The following MCTP2 variants were observed in gnomAD, a reference collection of about 807,000 sequenced individuals.
The protein encoded by MCTP2 is multiple C2 and transmembrane domain-containing protein 2.
A neutral mutation model predicts 111.6 loss-of-function variants in MCTP2; 132 were observed. The observed-to-expected ratio is 1.18, with a 90% CI of 1.03 to 1.37. The LOEUF (loss-of-function observed/expected upper bound fraction) is 1.37, where lower values mean the gene tolerates loss of function less well. Ranked by LOEUF, MCTP2 falls within the 40% of genes most tolerant of loss-of-function variation. MCTP2 has a pLI of 0.00. For synonymous variants in MCTP2, 395 were observed against 387.7 expected (o/e 1.02, Z -0.22); for missense variants, 1,183 against 1,067.9 (o/e 1.11, Z -1.50).
At chr15:94,472,831 CAA>C (rs1294852376) in intron 21 of MCTP2, among the ~76,000 whole-genome samples, 1 of 152,190 alleles carries the variant, frequency 6.6e-6, no homozygotes, top group Non-Finnish European at 1.5e-5. Flanking sequence ...TATCCTAAGA[CAA>C]ATTAGTTACT....
chr15:94,377,571 A>G (rs1045077463), intron 12 of MCTP2, among the ~76,000 whole-genome samples: 3 of 152,196 alleles, frequency 2.0e-5, no homozygotes, highest in South Asian at 2.1e-4. Context: ...TCGCTTCCAT[A>G]TTAATGGGTG....
intron 4 of MCTP2, among the ~76,000 whole-genome samples, chr15:94,320,243 C>T (rs577404749): frequency 7.2e-4 from 108 of 150,934 alleles, no homozygotes; most frequent in Non-Finnish European, 9.9e-4. Flanking sequence ...CCTGGGTTCA[C>T]GCCATTCTCC....
At chr15:94,253,894 T>A (rs992504417) in intron 1 of MCTP2, among the ~76,000 whole-genome samples, 2 of 152,088 alleles carry the variant, frequency 1.3e-5, no homozygotes, top group South Asian at 4.1e-4. Flanking sequence ...AGCTCAATGG[T>A]GGGTTGAAAC....
intron 17 of MCTP2, among the ~76,000 whole-genome samples, chr15:94,411,675 T>C (rs1330539407): frequency 2.0e-5 from 3 of 152,216 alleles, no homozygotes; most frequent in African/African-American, 4.8e-5. Flanking sequence ...GGTTGTGTCA[T>C]TGGCTTTTTA....
Position 94,412,367 on chromosome 15 carries a change from A to C in MCTP2, c.2085+10348A>C, listed in dbSNP as rs140100108. ...TAGTTTGTGAGTCTGTGGAGTTGCT[A>C]TTCAGAGTGGTAACATGCCGTAGGG... On this transcript the variant is annotated intron_variant, in intron 17 of 22. Coordinates refer to ENST00000357742, the MANE Select transcript of MCTP2 (RefSeq NM_001385001.1). Among the ~76,000 whole-genome samples, 864 of 151,520 alleles carry C rather than the reference A, an allele frequency of 5.7e-3. 6 individuals carry two copies. The highest frequency in any genetic ancestry group is 0.02 in the African/African-American group (821 of 41,196).
chr15:94,287,958 T>G (rs1050463976), intron 1 of MCTP2, among the ~76,000 whole-genome samples: 1 of 152,184 alleles, frequency 6.6e-6, no homozygotes, highest in Non-Finnish European at 1.5e-5. Flanking sequence ...CTACCTTGTG[T>G]GCCTCCTTTA....
At chr15:94,464,891 T>G (rs779919242) in intron 20 of MCTP2, among the ~76,000 whole-genome samples, 3 of 152,082 alleles carry the variant, frequency 2.0e-5, no homozygotes, top group African/African-American at 4.8e-5. Context: ...ATGGACTACT[T>G]TTGTCAATTT....
chr15:94,357,108 A>G (rs10451015), intron 9 of MCTP2, among the ~76,000 whole-genome samples: 29,117 of 152,172 alleles, frequency 0.19, 3,014 homozygotes, highest in East Asian at 0.31. Context: ...TTCTAGCATC[A>G]AGGATGCAGC....
chr15:94,250,208 G>C (rs370983924), intron 1 of MCTP2, among the ~76,000 whole-genome samples: 1 of 152,150 alleles, frequency 6.6e-6, no homozygotes, highest in African/African-American at 2.4e-5. Context: ...TTTAATGGCT[G>C]CATTAGTGAA....
At chr15:94,328,474 A>G (rs2076990395) in intron 4 of MCTP2, among the ~76,000 whole-genome samples, 1 of 152,154 alleles carries the variant, frequency 6.6e-6, no homozygotes. Context: ...CTGTGTTTCA[A>G]GTCACTCTTT....
chr15:94,406,450 A>G (rs561068128), intron 17 of MCTP2, among the ~76,000 whole-genome samples: 1 of 152,246 alleles, frequency 6.6e-6, no homozygotes, highest in African/African-American at 2.4e-5. Flanking sequence ...GGGACCAACC[A>G]TACTGATTGT....
At chr15:94,429,726 G>C (rs1002514625) in intron 17 of MCTP2, among the ~76,000 whole-genome samples, 4 of 152,054 alleles carry the variant, frequency 2.6e-5, no homozygotes, top group African/African-American at 7.2e-5. Context: ...ATCTTTAAAT[G>C]CTATCTGGAG....
At chr15:94,312,684 A>G (rs294559) in intron 2 of MCTP2, among the ~76,000 whole-genome samples, 56,239 of 152,072 alleles carry the variant, frequency 0.37, 10,555 homozygotes, top group Middle Eastern at 0.44. Context: ...CGCAGATTAC[A>G]AGAACCTTAG....
chr15:94,234,304 GA>G (rs1315469618), intron 1 of MCTP2, among the ~76,000 whole-genome samples: 57 of 152,320 alleles, frequency 3.7e-4, no homozygotes, highest in African/African-American at 1.3e-3. Context: ...GTGTGAAAGT[GA>G]ATATGTATTT....
intron 14 of MCTP2, among the ~76,000 whole-genome samples, chr15:94,388,938 T>TA (rs565061086): frequency 4.6e-5 from 7 of 152,168 alleles, no homozygotes; most frequent in Non-Finnish European, 7.3e-5. Context: ...ATCAAGAGGC[T>TA]ATTTTGTGTA....
At chr15:94,247,146 T>TGTGTGTGCGC (rs145718054) in intron 1 of MCTP2, among the ~76,000 whole-genome samples, 156 of 152,260 alleles carry the variant, frequency 1.0e-3, no homozygotes, top group African/African-American at 3.7e-3. Context: ...GGTGTGTGCG[T>TGTGTGTGCGC]GTGTGTGCGC....
At chr15:94,445,617 G>A (rs2084071117) in intron 19 of MCTP2, among the ~76,000 whole-genome samples, 2 of 152,114 alleles carry the variant, frequency 1.3e-5, no homozygotes, top group Non-Finnish European at 1.5e-5. Flanking sequence ...TTCTCCCACC[G>A]AGGTATGCTT....
intron 12 of MCTP2, among the ~76,000 whole-genome samples, chr15:94,379,937 C>G (rs953993457): frequency 2.1e-5 from 3 of 145,076 alleles, no homozygotes; most frequent in Non-Finnish European, 4.5e-5. Context: ...TATATATATC[C>G]TCCTAATAAA....
At chr15:94,357,853 T>G (rs1051608867) in intron 9 of MCTP2, among the ~76,000 whole-genome samples, 1 of 152,208 alleles carries the variant, frequency 6.6e-6, no homozygotes, top group Non-Finnish European at 1.5e-5. Flanking sequence ...AGAAGCAGTT[T>G]GAATCACTTT....
Sources: allele counts gnomAD v4.1 joint callset (sites outside exome capture counted in the v4.1 genomes callset), GRCh38; gene constraint gnomAD v4.1.1; transcripts MANE v1.5; gene names NCBI Gene and HGNC (gene_info 2026-07-23, HGNC 2026-07-21).